GUCY1A2: variants seen among roughly 807,000 people sequenced by gnomAD.
The protein encoded by GUCY1A2 is guanylate cyclase 1 soluble subunit alpha 2.
A neutral mutation model predicts 63.5 loss-of-function variants in GUCY1A2; 27 were observed. The ratio of observed to expected loss-of-function variants is 0.43; its 90% CI spans 0.31 to 0.59. The LOEUF (loss-of-function observed/expected upper bound fraction) is 0.59. Ranked by LOEUF, GUCY1A2 falls within the 20% of genes least tolerant of loss-of-function variation. The pLI is 0.11. For missense variants in GUCY1A2, 768 were observed against 913.3 expected (o/e 0.84, Z 2.05); for synonymous variants, 364 against 343.5 (o/e 1.06, Z -0.66).
chr11:106,965,105 T>C (rs1565345675), intron 3 of GUCY1A2, among the ~76,000 whole-genome samples: 2 of 152,134 alleles, frequency 1.3e-5, no homozygotes, highest in Non-Finnish European at 2.9e-5. Context: ...CAGAGGTGGT[T>C]CTTTTAATGG....
At chr11:106,865,942 A>G (rs1859586258) in intron 4 of GUCY1A2, among the ~76,000 whole-genome samples, 1 of 151,822 alleles carries the variant, frequency 6.6e-6, no homozygotes, top group Admixed American at 6.6e-5. Context: ...CTTTGTTAGA[A>G]TGTAAACTTC....
chr11:106,878,576 T>C (rs561056660), intron 4 of GUCY1A2, among the ~76,000 whole-genome samples: 1 of 151,676 alleles, frequency 6.6e-6, no homozygotes, highest in South Asian at 2.1e-4. Context: ...AGCCAAAAGA[T>C]CAAAACACAT....
Position 106,691,256 on chromosome 11 carries a change from CA to C in GUCY1A2, c.1992-3501del, listed in dbSNP as rs1862619013. On this transcript the variant is annotated intron_variant, in intron 7 of 7. Transcript: ENST00000526355. ...AAAAGACAAGAAATGCTCATTGAAA[CA>C]AATTAGCAATACAATGATACAACAT... Among the ~76,000 whole-genome samples the C allele has an allele frequency of 2.0e-5, 3 of 151,982 alleles. No individual in the cohort carries two copies. The South Asian group carries it at 6.2e-4, about 31-fold the overall frequency.
At chr11:106,704,946 C>A (rs948382124) in intron 7 of GUCY1A2, among the ~76,000 whole-genome samples, 7 of 150,974 alleles carry the variant, frequency 4.6e-5, no homozygotes, top group African/African-American at 1.7e-4. Flanking sequence ...ATATTATGTG[C>A]ACTATTTAAA....
At chr11:106,913,348 T>C (rs1307364758) in intron 4 of GUCY1A2, among the ~76,000 whole-genome samples, 1 of 152,126 alleles carries the variant, frequency 6.6e-6, no homozygotes, top group Non-Finnish European at 1.5e-5. Flanking sequence ...AGGCTACTTC[T>C]GCCATTAGTG....
At chr11:106,911,953 TG>T (rs1032860539) in intron 4 of GUCY1A2, among the ~76,000 whole-genome samples, 1 of 152,062 alleles carries the variant, frequency 6.6e-6, no homozygotes. Flanking sequence ...CTCTAATTTT[TG>T]AATCCATATA....
intron 6 of GUCY1A2, among the ~76,000 whole-genome samples, chr11:106,721,250 G>T (rs1419588776): frequency 1.3e-5 from 2 of 152,104 alleles, no homozygotes; most frequent in South Asian, 4.2e-4. Context: ...GTAGAGACGG[G>T]GTTTTGCCAT....
intron 4 of GUCY1A2, among the ~76,000 whole-genome samples, chr11:106,900,026 C>A (rs1305055857): frequency 6.9e-6 from 1 of 145,216 alleles, no homozygotes; most frequent in Non-Finnish European, 1.5e-5. Context: ...GCAGAGCTTG[C>A]AGTGAGCTAA....
chr11:106,826,760 C>G, intron 4 of GUCY1A2: 1 of 1,611,076 alleles, frequency 6.2e-7, no homozygotes, highest in Non-Finnish European at 8.5e-7. Flanking sequence ...ATCTGTCTAG[C>G]CTGGGTCCAC....
intron 3 of GUCY1A2, among the ~76,000 whole-genome samples, chr11:106,971,071 C>T (rs1467184927): frequency 1.3e-5 from 2 of 151,932 alleles, no homozygotes; most frequent in African/African-American, 2.4e-5. Context: ...AGGTGACATG[C>T]GGTTGAACAA....
chr11:106,994,081 T>C (rs970828402), intron 1 of GUCY1A2, among the ~76,000 whole-genome samples: 10 of 152,188 alleles, frequency 6.6e-5, no homozygotes, highest in African/African-American at 2.4e-4. Flanking sequence ...CAGGTATATA[T>C]TTGCATGACC....
chr11:106,695,685 C>T lies in GUCY1A2; in HGVS notation c.1992-7929G>A, dbSNP rs867452068. On this transcript the variant is annotated intron_variant, in intron 7 of 7. Transcript: ENST00000526355. ...TCCAATGGAACTGTTGTTATTGAGTCGGCTAGACAGCCTGAAATCCCCTGA... is the reference window on the plus strand; with the variant it reads ...TCCAATGGAACTGTTGTTATTGAGTTGGCTAGACAGCCTGAAATCCCCTGA... Among the ~76,000 whole-genome samples, 47 of 152,168 alleles carry T rather than the reference C, an allele frequency of 3.1e-4. No homozygotes were observed. The Middle Eastern group carries it at 0.014, about 44-fold the overall frequency.
chr11:106,711,874 C>T (rs932893068), intron 6 of GUCY1A2, among the ~76,000 whole-genome samples: 9 of 152,116 alleles, frequency 5.9e-5, no homozygotes, highest in Admixed American at 2.6e-4. Flanking sequence ...CACTGGCTCC[C>T]ATCTTGCATC....
chr11:107,015,412 T>A (rs1861806343), intron 1 of GUCY1A2, among the ~76,000 whole-genome samples: 1 of 152,040 alleles, frequency 6.6e-6, no homozygotes, highest in Admixed American at 6.6e-5. Context: ...TCAGAGACTA[T>A]TTCCTTCCTC....
rs1269442636 is a variant in GUCY1A2, at chr11:106,687,410, A to G, written c.*139T>C. 293 of 683,386 alleles carry G rather than the reference A, an allele frequency of 4.3e-4. 1 individual carries two copies. Among genetic ancestry groups the G allele is most frequent in the Non-Finnish European group, 4.7e-5 (18 of 386,720 alleles). 42.3% of individuals were successfully genotyped at this position (683,386 alleles called of 1,614,324 possible). On this transcript the variant is annotated 3_prime_UTR_variant, in exon 8 of 8. Coordinates refer to ENST00000526355, the MANE Select transcript of GUCY1A2 (RefSeq NM_000855.3). ...GTCACCTCCACCTTTTAGTAGGATT[A>G]TTGCCTGACATAATACAGAAATTTT...
intron 1 of GUCY1A2, among the ~76,000 whole-genome samples, chr11:106,998,824 A>AT (rs113570071): frequency 1.3e-5 from 2 of 152,124 alleles, no homozygotes; most frequent in African/African-American, 4.8e-5. Context: ...ATAATCCAAA[A>AT]TTTAAAAGTA....
At chr11:106,945,409 A>AC (rs1860813691) in intron 3 of GUCY1A2, among the ~76,000 whole-genome samples, 2 of 151,592 alleles carry the variant, frequency 1.3e-5, no homozygotes, top group African/African-American at 4.8e-5. Context: ...ACAAAACAAA[A>AC]AAACACATTA....
In GUCY1A2 at chr11:106,968,216, T is replaced by C. The variant is rs141865874; in HGVS notation, c.487+10403A>G. On this transcript the variant is annotated intron_variant, in intron 3 of 7. Coordinates refer to ENST00000526355, the MANE Select transcript of GUCY1A2 (RefSeq NM_000855.3). ...AAAGTTCTGGTCTCTGCCCTAGATA[T>C]GATTAATCAAAATATCTGGGTATCA... 2.4e-3 allele frequency among the ~76,000 whole-genome samples: 365 copies of C among 152,314 alleles called. 3 individuals are homozygous for C. The highest frequency in any genetic ancestry group is 0.021 in the East Asian group (111 of 5,184).
chr11:106,923,458 G>A (rs1336392949), intron 4 of GUCY1A2, among the ~76,000 whole-genome samples: 3 of 152,156 alleles, frequency 2.0e-5, no homozygotes, highest in African/African-American at 7.2e-5. Context: ...ACACATAAAT[G>A]TGTCCTACAT....
Sources: allele counts gnomAD v4.1 joint callset (sites outside exome capture counted in the v4.1 genomes callset), GRCh38; gene constraint gnomAD v4.1.1; transcripts MANE v1.5; gene names NCBI Gene and HGNC (gene_info 2026-07-23, HGNC 2026-07-21).